Variants in DLGAP1 observed in about 807,000 individuals in gnomAD.
DLGAP1 encodes the protein DLG associated protein 1, also known as disks large-associated protein 1.
Under a neutral mutation model 90.8 loss-of-function variants are expected in DLGAP1, and 11 were observed. That is an observed-to-expected ratio of 0.12 (90% CI 0.08 to 0.20). DLGAP1 has a LOEUF of 0.20. Ranked by LOEUF, DLGAP1 falls within the 10% of genes least tolerant of loss-of-function variation. DLGAP1 has a pLI of 1.00. For missense variants in DLGAP1, 1,050 were observed against 1,333.8 expected, an observed-to-expected ratio of 0.79 and a Z score of 3.31; for synonymous variants, 558 against 540.7, an observed-to-expected ratio of 1.03 and a Z score of -0.44.
intron 1 of DLGAP1, among the ~76,000 whole-genome samples, chr18:4,292,748 T>A (rs1054247429): frequency 6.6e-6 from 1 of 152,178 alleles, no homozygotes; most frequent in Non-Finnish European, 1.5e-5. Flanking sequence ...AAGGGTAGTC[T>A]TTTCTCTCCC....
intron 1 of DLGAP1, among the ~76,000 whole-genome samples, chr18:4,230,025 A>T (rs1159182129): frequency 6.6e-6 from 1 of 152,156 alleles, no homozygotes; most frequent in African/African-American, 2.4e-5. Context: ...TAACAAACGT[A>T]TATGAAAAGG....
chr18:3,796,540 G>T (rs1165875768), intron 5 of DLGAP1, among the ~76,000 whole-genome samples: 1 of 152,204 alleles, frequency 6.6e-6, no homozygotes, highest in East Asian at 1.9e-4. Context: ...CAGGTAGTGT[G>T]TTCTCTTAAG....
intron 7 of DLGAP1, among the ~76,000 whole-genome samples, chr18:3,661,571 C>CTTTTTTTT (rs10549959): frequency 1.6e-5 from 2 of 125,272 alleles, no homozygotes; most frequent in African/African-American, 2.9e-5. Context: ...GCTGTAAGGT[C>CTTTTTTTT]TTTTTTTTTT....
At chr18:3,589,494 T>C (rs1040316803) in intron 7 of DLGAP1, among the ~76,000 whole-genome samples, 2 of 152,118 alleles carry the variant, frequency 1.3e-5, no homozygotes, top group Non-Finnish European at 2.9e-5. Context: ...AGAAATTCTT[T>C]AAAACATGAG....
chr18:3,774,080 A>G (rs1049702584), intron 5 of DLGAP1: 2 of 152,056 alleles, frequency 1.3e-5, no homozygotes, highest in African/African-American at 4.8e-5. Context: ...TCTCTGAGGG[A>G]AGGTCTGCAG....
intron 7 of DLGAP1, among the ~76,000 whole-genome samples, chr18:3,719,583 G>C (rs997853142): frequency 5.0e-5 from 7 of 139,844 alleles, no homozygotes; most frequent in African/African-American, 1.9e-4. Context: ...AAAAAAGAAA[G>C]AAAGAACTAT....
At chr18:3,958,334 A>C (rs1314897012) in intron 3 of DLGAP1, among the ~76,000 whole-genome samples, 2 of 152,198 alleles carry the variant, frequency 1.3e-5, no homozygotes, top group Middle Eastern at 6.8e-3. Flanking sequence ...ACTTTTAAAA[A>C]CAACTACAAT....
intron 1 of DLGAP1, among the ~76,000 whole-genome samples, chr18:4,382,953 G>C (rs1327409333): frequency 1.3e-5 from 2 of 152,104 alleles, no homozygotes; most frequent in Non-Finnish European, 2.9e-5. Flanking sequence ...TAAGAACCTT[G>C]GAAACCAAAG....
At chr18:4,359,951 T>C (rs918810402) in intron 1 of DLGAP1, among the ~76,000 whole-genome samples, 1 of 152,222 alleles carries the variant, frequency 6.6e-6, no homozygotes, top group African/African-American at 2.4e-5. Flanking sequence ...GTAAGGATCA[T>C]AAAAAATTAG....
intron 5 of DLGAP1, among the ~76,000 whole-genome samples, chr18:3,804,629 C>T (rs971963337): frequency 2.0e-5 from 3 of 152,128 alleles, no homozygotes; most frequent in Non-Finnish European, 2.9e-5. Context: ...TTGAAGAGAA[C>T]ACAGACGCAG....
At chr18:3,941,228 T>A (rs1346081394) in intron 3 of DLGAP1, among the ~76,000 whole-genome samples, 1 of 152,204 alleles carries the variant, frequency 6.6e-6, no homozygotes, top group Non-Finnish European at 1.5e-5. Flanking sequence ...TTTGATTGAA[T>A]TCAGAATTTG....
At chr18:3,795,991 C>T (rs974490652) in intron 5 of DLGAP1, among the ~76,000 whole-genome samples, 4 of 152,040 alleles carry the variant, frequency 2.6e-5, no homozygotes, top group East Asian at 1.9e-4. Flanking sequence ...AGATGCTATC[C>T]GATGGTCAAA....
chr18:4,055,770 A>AC (rs2075205474), intron 2 of DLGAP1, among the ~76,000 whole-genome samples: 1 of 152,020 alleles, frequency 6.6e-6, no homozygotes, highest in Non-Finnish European at 1.5e-5. Context: ...TGTGTGGGCC[A>AC]CCCCCATGTC....
Position 3,600,750 on chromosome 18 carries a change from A to ATATATC in DLGAP1, c.1592-18503_1592-18502insGATATA, listed in dbSNP as rs1568277697. On this transcript the variant is annotated intron_variant, in intron 7 of 12. Transcript: ENST00000315677. ...TATAGATATATATAGATATATAGAT[A>ATATATC]TATATAGATATATAGATATATATAG... Among the ~76,000 whole-genome samples, 22 of 10,910 alleles carry ATATATC rather than the reference A, an allele frequency of 2.0e-3. 1 individual carries two copies. The highest frequency in any genetic ancestry group is 3.2e-3 in the African/African-American group (4 of 1,264). The allele number at this position is 10,910 out of a possible 152,430, so 7.2% of individuals were successfully genotyped here. A position where few individuals can be genotyped will look rare whatever the true frequency, so the allele number is the denominator to read the frequency against.
At chr18:3,618,056 A>G (rs2057944741) in intron 7 of DLGAP1, among the ~76,000 whole-genome samples, 1 of 152,030 alleles carries the variant, frequency 6.6e-6, no homozygotes, top group Admixed American at 6.6e-5. Flanking sequence ...GAAAGAAAGA[A>G]AGAAAAGCAC....
intron 2 of DLGAP1, among the ~76,000 whole-genome samples, chr18:4,138,950 C>A (rs1029078858): frequency 1.3e-5 from 2 of 151,880 alleles, no homozygotes; most frequent in Admixed American, 6.6e-5. Context: ...TAGTCTCTAA[C>A]GATCCTTTAA....
intron 5 of DLGAP1, among the ~76,000 whole-genome samples, chr18:3,797,696 G>A (rs1174287905): frequency 6.6e-6 from 1 of 151,932 alleles, no homozygotes; most frequent in Non-Finnish European, 1.5e-5. Context: ...AGTGTTGGAA[G>A]AGTGTGTTTT....
chr18:3,978,901 T>A (rs1254449951), intron 3 of DLGAP1, among the ~76,000 whole-genome samples: 1 of 152,096 alleles, frequency 6.6e-6, no homozygotes, highest in Non-Finnish European at 1.5e-5. Context: ...GAGGAAGAAT[T>A]AAATGAAGAG....
intron 7 of DLGAP1, among the ~76,000 whole-genome samples, chr18:3,692,812 C>T (rs1342858261): frequency 1.3e-5 from 2 of 152,202 alleles, no homozygotes; most frequent in Non-Finnish European, 2.9e-5. Context: ...AAGCTCTGTC[C>T]CTGGAAATTC....
Sources: allele counts gnomAD v4.1 joint callset (sites outside exome capture counted in the v4.1 genomes callset), GRCh38; gene constraint gnomAD v4.1.1; transcripts MANE v1.5; gene names NCBI Gene and HGNC (gene_info 2026-07-23, HGNC 2026-07-21).